Variants in RNFT2 observed in about 807,000 individuals in gnomAD.
RNFT2 encodes E3 ubiquitin-protein ligase RNFT2.
RNFT2 carries 36 observed loss-of-function variants against 53.0 expected under a neutral mutation model. The observed-to-expected ratio is 0.68, with a 90% CI of 0.52 to 0.90. RNFT2 has a LOEUF of 0.90. RNFT2 is among the 40% of genes least tolerant of loss of function. RNFT2 has a pLI of 0.00. For missense variants in RNFT2, 514 were observed against 585.6 expected (o/e 0.88, Z 1.26); for synonymous variants, 260 against 253.2 (o/e 1.03, Z -0.26).
At chr12:116,834,406 A>G (rs1438757418) in intron 8 of RNFT2, among the ~76,000 whole-genome samples, 1 of 152,210 alleles carries the variant, frequency 6.6e-6, no homozygotes, top group Non-Finnish European at 1.5e-5. Context: ...GGCATGAGCC[A>G]CCACGCCCGG....
At chr12:116,771,486 A>ATATAT (rs1198593135) in intron 6 of RNFT2, among the ~76,000 whole-genome samples, 41 of 101,064 alleles carry the variant, frequency 4.1e-4, no homozygotes, top group African/African-American at 8.4e-4. Flanking sequence ...AAAAAAAAAA[A>ATATAT]AAAAAAAAAT....
rs878959454 is a variant in RNFT2, at chr12:116,740,411, T to C, written c.-87T>C. On this transcript the variant is annotated 5_prime_UTR_variant, in exon 2 of 11. Transcript: ENST00000257575. ...TGGAGACGAAGAGGAGGGGGAGGCC[T>C]GTCCTCTCTGGGATCCATTGGTCAC... 1.5e-4 allele frequency: 198 copies of C among 1,345,934 alleles called. 4 individuals are homozygous for C. The South Asian group carries it at 2.4e-3, about 16-fold the overall frequency. The allele number at this position is 1,345,934 out of a possible 1,614,324, so 83.4% of individuals were successfully genotyped here. A position where few individuals can be genotyped will look rare whatever the true frequency, so the allele number is the denominator to read the frequency against.
intron 7 of RNFT2, among the ~76,000 whole-genome samples, chr12:116,785,249 CTGTGTGTGTG>C (rs56185708): frequency 7.2e-6 from 1 of 139,082 alleles, no homozygotes; most frequent in South Asian, 2.3e-4. Flanking sequence ...TTACCTACTT[CTGTGTGTGTG>C]TGTGTGTGTG....
intron 5 of RNFT2, among the ~76,000 whole-genome samples, chr12:116,766,123 T>TAAA (rs879439909): frequency 0.051 from 7,718 of 151,722 alleles, 528 homozygotes; most frequent in African/African-American, 0.15. Context: ...AAATAAAAAT[T>TAAA]TTTTTTTAAT....
chr12:116,807,609 G>A (rs970831348), intron 7 of RNFT2, among the ~76,000 whole-genome samples: 13 of 151,978 alleles, frequency 8.6e-5, no homozygotes, highest in Middle Eastern at 3.4e-3. Context: ...TTCCCCACTC[G>A]CACTCCCCTG....
intron 10 of RNFT2, among the ~76,000 whole-genome samples, chr12:116,847,230 G>T (rs913928157): frequency 6.6e-6 from 1 of 151,962 alleles, no homozygotes; most frequent in East Asian, 1.9e-4. Flanking sequence ...TTAAATTAAT[G>T]TGACATATTA....
At chr12:116,806,844 T>C (rs1464714304) in intron 7 of RNFT2, among the ~76,000 whole-genome samples, 1 of 152,204 alleles carries the variant, frequency 6.6e-6, no homozygotes, top group African/African-American at 2.4e-5. Context: ...GATTTTCTAT[T>C]AATCCTTACA....
chr12:116,837,131 C>T (rs977074357), intron 10 of RNFT2, among the ~76,000 whole-genome samples: 6 of 152,042 alleles, frequency 3.9e-5, no homozygotes, highest in Admixed American at 6.6e-5. Context: ...AAGTGCTGGC[C>T]GGTTCCTTTT....
At chr12:116,794,814 G>A (rs191450503) in intron 7 of RNFT2, among the ~76,000 whole-genome samples, 2 of 152,148 alleles carry the variant, frequency 1.3e-5, no homozygotes, top group African/African-American at 4.8e-5. Flanking sequence ...ACCGCATGGA[G>A]TTCGGCTCGG....
intron 7 of RNFT2, among the ~76,000 whole-genome samples, chr12:116,827,862 A>G (rs1255649413): frequency 6.6e-6 from 1 of 152,214 alleles, no homozygotes; most frequent in African/African-American, 2.4e-5. Context: ...AAAGACAGTG[A>G]CCAAAACTAA....
chr12:116,772,091 C>G (rs2137107338), intron 6 of RNFT2, among the ~76,000 whole-genome samples: 1 of 19,676 alleles, frequency 5.1e-5, no homozygotes, highest in South Asian at 7.7e-4. Flanking sequence ...ATGAGTATCT[C>G]AGATTTTTTT....
intron 7 of RNFT2, among the ~76,000 whole-genome samples, chr12:116,810,329 G>A (rs967192112): frequency 2.0e-5 from 3 of 152,170 alleles, no homozygotes; most frequent in African/African-American, 4.8e-5. Flanking sequence ...ACAAGGGCAC[G>A]GCAGGAAGAG....
At chr12:116,741,468 C>T (rs1278681859) in intron 3 of RNFT2, among the ~76,000 whole-genome samples, 1 of 152,204 alleles carries the variant, frequency 6.6e-6, no homozygotes, top group Non-Finnish European at 1.5e-5. Flanking sequence ...CCAGCATATT[C>T]AGTGTCTGCG....
chr12:116,776,043 A>G (rs574106812), intron 6 of RNFT2, among the ~76,000 whole-genome samples: 7 of 152,274 alleles, frequency 4.6e-5, no homozygotes, highest in South Asian at 4.1e-4. Flanking sequence ...ACTCTCAAAA[A>G]AAAAACAAAA....
intron 7 of RNFT2, among the ~76,000 whole-genome samples, chr12:116,788,923 G>T (rs1346196731): frequency 1.4e-5 from 2 of 142,968 alleles, no homozygotes; most frequent in Non-Finnish European, 3.1e-5. Context: ...ATGGATGGTG[G>T]ATGGATGGAT....
At chr12:116,782,734 C>G (rs1249731209) in intron 7 of RNFT2, among the ~76,000 whole-genome samples, 1 of 151,978 alleles carries the variant, frequency 6.6e-6, no homozygotes, top group East Asian at 1.9e-4. Flanking sequence ...CACTGTTATT[C>G]CTACCACCCC....
At chr12:116,806,387 T>TAG (rs1565865915) in intron 7 of RNFT2, among the ~76,000 whole-genome samples, 18 of 124,042 alleles carry the variant, frequency 1.5e-4, no homozygotes, top group East Asian at 2.5e-4. Context: ...AAAAAATATA[T>TAG]ATATATATAT....
chr12:116,785,674 GGTGA>G (rs1448218108), intron 7 of RNFT2, among the ~76,000 whole-genome samples: 2 of 152,122 alleles, frequency 1.3e-5, no homozygotes, highest in African/African-American at 4.8e-5. Context: ...CTCTGTAAAC[GGTGA>G]GTAAGTGAAA....
chr12:116,751,464 C>T (rs536540988), intron 4 of RNFT2, among the ~76,000 whole-genome samples: 1 of 151,998 alleles, frequency 6.6e-6, no homozygotes, highest in African/African-American at 2.4e-5. Context: ...AGTGCAATGG[C>T]GCGACCTCTG....
Sources: gnomAD v4.1 joint callset for allele counts (sites outside exome capture counted in the v4.1 genomes callset) on GRCh38, gnomAD v4.1.1 for gene constraint, MANE v1.5 for transcripts, NCBI Gene and HGNC (gene_info 2026-07-23, HGNC 2026-07-21) for gene names.